The following TNFSF4 variants were observed in gnomAD, a reference collection of about 807,000 sequenced individuals.
The protein encoded by TNFSF4 is TNF superfamily member 4.
Under a neutral mutation model 7.3 loss-of-function variants are expected in TNFSF4, and 4 were observed. The observed-to-expected ratio is 0.55, with a 90% CI of 0.27 to 1.25. TNFSF4 has a LOEUF of 1.25. Ranked by LOEUF, TNFSF4 falls within the 50% of genes most tolerant of loss-of-function variation. TNFSF4 has a pLI of 0.12. For missense variants in TNFSF4, 181 were observed against 208.8 expected (o/e 0.87, Z 0.82); for synonymous variants, 76 against 83.7 (o/e 0.91, Z 0.50).
chr1:173,324,116 G>A, the TNFSF4 span, among the ~76,000 whole-genome samples: 1 of 152,186 alleles, frequency 6.6e-6, no homozygotes, highest in African/African-American at 2.4e-5. Context: ...CAGACAGAAA[G>A]GTCGGGTTAC....
At chr1:173,192,023 A>G (rs2101986873) in intron 1 of TNFSF4, among the ~76,000 whole-genome samples, 1 of 152,300 alleles carries the variant, frequency 6.6e-6, no homozygotes, top group East Asian at 1.9e-4. Context: ...CAAAAAATAC[A>G]AAAATTAGCA....
At chr1:173,351,860 T>G in the TNFSF4 span, 1 of 596,510 alleles carries the variant, frequency 1.7e-6, no homozygotes, top group Non-Finnish European at 3.1e-6. Flanking sequence ...CAACTGTCCA[T>G]GTAGGCATTC....
At chr1:173,379,182 T>C in the TNFSF4 span, among the ~76,000 whole-genome samples, 12 of 152,222 alleles carry the variant, frequency 7.9e-5, no homozygotes, top group Non-Finnish European at 1.2e-4. Context: ...GTCAAGTAAA[T>C]GATACAATGA....
the TNFSF4 span, among the ~76,000 whole-genome samples, chr1:173,403,425 G>A: frequency 6.6e-6 from 1 of 152,132 alleles, no homozygotes; most frequent in East Asian, 1.9e-4. Flanking sequence ...TAAGTGTCTG[G>A]GTCTTTTCTA....
chr1:173,328,292 G>A, the TNFSF4 span, among the ~76,000 whole-genome samples: 4 of 146,290 alleles, frequency 2.7e-5, no homozygotes, highest in Non-Finnish European at 4.5e-5. Flanking sequence ...CTCATAGGTG[G>A]GAATTGAACA....
At chr1:173,249,083 T>C in the TNFSF4 span, among the ~76,000 whole-genome samples, 3 of 152,172 alleles carry the variant, frequency 2.0e-5, no homozygotes, top group South Asian at 4.2e-4. Context: ...TTTTAGGAAG[T>C]AGAGTCGACA....
At chr1:173,225,351 T>C in the TNFSF4 span, among the ~76,000 whole-genome samples, 505 of 152,352 alleles carry the variant, frequency 3.3e-3, 6 homozygotes, top group African/African-American at 0.012. Context: ...GGAAAAGTCA[T>C]TGAAAATGGA....
chr1:173,398,211 CCACAAGATATCT>C, the TNFSF4 span, among the ~76,000 whole-genome samples: 3,713 of 152,234 alleles, frequency 0.024, 172 homozygotes, highest in African/African-American at 0.086. Flanking sequence ...ACCTTCCCTT[CCACAAGATATCT>C]CACTGATCCA....
At chr1:173,221,792 A>G in the TNFSF4 span, among the ~76,000 whole-genome samples, 2 of 152,222 alleles carry the variant, frequency 1.3e-5, no homozygotes. Context: ...TCACTTGGCT[A>G]ACTCATTTTA....
chr1:173,228,327 T>C, the TNFSF4 span, among the ~76,000 whole-genome samples: 1 of 151,978 alleles, frequency 6.6e-6, no homozygotes, highest in African/African-American at 2.4e-5. Flanking sequence ...GGGTCTGGAG[T>C]GGACCTCCAG....
At chr1:173,436,059 A>G in the TNFSF4 span, among the ~76,000 whole-genome samples, 5 of 152,224 alleles carry the variant, frequency 3.3e-5, no homozygotes, top group African/African-American at 9.6e-5. Flanking sequence ...TCCACAAAGG[A>G]GCAGAGAAGA....
chr1:173,285,850 G>A, the TNFSF4 span, among the ~76,000 whole-genome samples: 6 of 152,284 alleles, frequency 3.9e-5, no homozygotes, highest in South Asian at 4.1e-4. Context: ...GCATGTGACT[G>A]TCCTTGTTGC....
chr1:173,244,743 C>T, the TNFSF4 span, among the ~76,000 whole-genome samples: 3 of 151,532 alleles, frequency 2.0e-5, no homozygotes, highest in Non-Finnish European at 2.9e-5. Context: ...TTCACAGCCG[C>T]GCAAATGACC....
At chr1:173,279,773 G>A in the TNFSF4 span, among the ~76,000 whole-genome samples, 4 of 151,900 alleles carry the variant, frequency 2.6e-5, no homozygotes, top group African/African-American at 9.7e-5. Flanking sequence ...TCATTTCCCA[G>A]TGCTACTACC....
the TNFSF4 span, among the ~76,000 whole-genome samples, chr1:173,238,839 T>C: frequency 1.3e-4 from 19 of 151,900 alleles, no homozygotes; most frequent in African/African-American, 4.6e-4. Flanking sequence ...TGGAGTGAAC[T>C]CAGTTTTCTC....
the TNFSF4 span, among the ~76,000 whole-genome samples, chr1:173,268,610 A>C: frequency 1.3e-5 from 2 of 152,288 alleles, no homozygotes; most frequent in African/African-American, 4.8e-5. Context: ...GGAAGCCAAG[A>C]AATGAAGAAA....
the TNFSF4 span, among the ~76,000 whole-genome samples, chr1:173,375,494 T>C: frequency 6.6e-6 from 1 of 152,142 alleles, no homozygotes; most frequent in African/African-American, 2.4e-5. Flanking sequence ...TACAAGAGGA[T>C]TGTAAAATGC....
chr1:173,434,192 C>T, the TNFSF4 span, among the ~76,000 whole-genome samples: 1 of 152,226 alleles, frequency 6.6e-6, no homozygotes, highest in Non-Finnish European at 1.5e-5. Context: ...TTTCTTACAG[C>T]ATCCCTAGAA....
At chr1:173,357,083 G>A in the TNFSF4 span, among the ~76,000 whole-genome samples, 1 of 152,186 alleles carries the variant, frequency 6.6e-6, no homozygotes, top group African/African-American at 2.4e-5. Context: ...CAAGTTAATA[G>A]GTTAGAGAAA....
Sources: gnomAD v4.1 joint callset for allele counts (sites outside exome capture counted in the v4.1 genomes callset) on GRCh38, gnomAD v4.1.1 for gene constraint, MANE v1.5 for transcripts, NCBI Gene and HGNC (gene_info 2026-07-23, HGNC 2026-07-21) for gene names.